SOX6: variants seen among roughly 807,000 people sequenced by gnomAD.
SOX6 encodes transcription factor SOX-6.
Under a neutral mutation model 97.8 loss-of-function variants are expected in SOX6, and 11 were observed. The observed-to-expected ratio is 0.11, with a 90% confidence interval of 0.07 to 0.19. The LOEUF (loss-of-function observed/expected upper bound fraction) is 0.19. Among genes scored for constraint, SOX6 ranks in the 10% least tolerant of loss-of-function variants. The probability of loss-of-function intolerance (pLI) is 1.00; values close to 1 mark genes in which losing one functional copy is unlikely to be tolerated. For synonymous variants in SOX6, 360 were observed against 371.4 expected, an observed-to-expected ratio of 0.97 and a Z score of 0.35; for missense variants, 810 against 1,039.5, an observed-to-expected ratio of 0.78 and a Z score of 3.04.
At chr11:16,102,190 T>G (rs550940169) in intron 7 of SOX6, among the ~76,000 whole-genome samples, 1 of 151,892 alleles carries the variant, frequency 6.6e-6, no homozygotes, top group Non-Finnish European at 1.5e-5. Context: ...AGTTTCAGGA[T>G]ACAAAATTAA....
intron 1 of SOX6, among the ~76,000 whole-genome samples, chr11:16,425,479 G>C (rs1242633548): frequency 6.6e-6 from 1 of 152,128 alleles, no homozygotes. Context: ...AATCAGGCAA[G>C]AAAAAGAAAT....
chr11:16,662,901 A>T lies in SOX6; in HGVS notation n.430-50641T>A, dbSNP rs924848746. 3.3e-5 allele frequency among the ~76,000 whole-genome samples: 5 copies of T among 152,144 alleles called. No homozygotes were observed. In the East Asian group the frequency reaches 7.7e-4, roughly 23 times the overall value. On this transcript the variant is annotated intron_variant and non_coding_transcript_variant, in intron 3 of 5. Coordinates refer to the SOX6 transcript ENST00000524520. ...GGAGATAGTGTCTCCTATGTTTCCCAGGCTGCTTGTGAATTCCTGTCCTCA... is the reference window on the plus strand; with the variant it reads ...GGAGATAGTGTCTCCTATGTTTCCCTGGCTGCTTGTGAATTCCTGTCCTCA...
At chr11:16,681,306 C>G (rs1564867659) in intron 3 of SOX6, among the ~76,000 whole-genome samples, 1 of 152,212 alleles carries the variant, frequency 6.6e-6, no homozygotes, top group Non-Finnish European at 1.5e-5. Context: ...TTAAGAAACT[C>G]ACTCAAAACT....
chr11:16,447,455 C>CTCTCT (rs1331179718), intron 1 of SOX6, among the ~76,000 whole-genome samples: 5 of 150,850 alleles, frequency 3.3e-5, no homozygotes, highest in African/African-American at 1.2e-4. Flanking sequence ...CTCTCTCTCT[C>CTCTCT]TTTCTTTCTT....
At chr11:16,421,140 G>A (rs1355515168) in intron 1 of SOX6, among the ~76,000 whole-genome samples, 2 of 152,142 alleles carry the variant, frequency 1.3e-5, no homozygotes, top group East Asian at 1.9e-4. Context: ...CCTTATTCTC[G>A]AGCAAATATG....
chr11:16,693,134 G>C (rs1054090203), intron 3 of SOX6, among the ~76,000 whole-genome samples: 1 of 152,052 alleles, frequency 6.6e-6, no homozygotes, highest in African/African-American at 2.4e-5. Context: ...GTTGAACTAG[G>C]TCAAATAGTA....
chr11:16,164,820 CAAAA>C (rs200369773), intron 6 of SOX6, among the ~76,000 whole-genome samples: 3 of 81,700 alleles, frequency 3.7e-5, no homozygotes, highest in Admixed American at 1.4e-4. Context: ...GACTTGGTAT[CAAAA>C]AAAAAAAAAA....
At chr11:16,557,865 G>C (rs1318828734) in intron 4 of SOX6, among the ~76,000 whole-genome samples, 1 of 151,674 alleles carries the variant, frequency 6.6e-6, no homozygotes, top group African/African-American at 2.4e-5. Flanking sequence ...TAAAACATTT[G>C]ATAAGCCCTT....
chr11:16,600,807 G>A lies in SOX6; in HGVS notation n.609+11274C>T, dbSNP rs140395423. 1.1e-4 allele frequency among the ~76,000 whole-genome samples: 17 copies of A among 152,312 alleles called. 1 individual carries two copies. The East Asian group carries it at 3.3e-3, about 29-fold the overall frequency. On this transcript the variant is annotated intron_variant and non_coding_transcript_variant, in intron 4 of 5. Transcript: ENST00000524520. ...ATGAATATATAATGAAAGGATGGGA[G>A]AGTTTCTGACACAACGCTCACCAAA...
At chr11:16,234,005 C>CAAAAAAA (rs751876773) in intron 4 of SOX6, among the ~76,000 whole-genome samples, 1 of 55,956 alleles carries the variant, frequency 1.8e-5, no homozygotes, top group Non-Finnish European at 3.9e-5. Context: ...GACTGCATCT[C>CAAAAAAA]AAAAAAAAAA....
At chr11:16,277,942 G>C (rs1325657130) in intron 3 of SOX6, among the ~76,000 whole-genome samples, 2 of 152,178 alleles carry the variant, frequency 1.3e-5, no homozygotes, top group Non-Finnish European at 2.9e-5. Flanking sequence ...ACATCATAGA[G>C]TTATTGTGAA....
intron 9 of SOX6, among the ~76,000 whole-genome samples, chr11:16,065,811 T>C (rs933981617): frequency 6.6e-6 from 1 of 152,156 alleles, no homozygotes; most frequent in African/African-American, 2.4e-5. Flanking sequence ...ATGAAACTAC[T>C]GCAAGCAAAC....
intron 9 of SOX6, among the ~76,000 whole-genome samples, chr11:16,094,005 A>T (rs1416134328): frequency 6.6e-6 from 1 of 151,946 alleles, no homozygotes; most frequent in East Asian, 1.9e-4. Flanking sequence ...AAACAGATCA[A>T]AGGTTTCCTG....
intron 12 of SOX6, among the ~76,000 whole-genome samples, chr11:16,041,930 G>A (rs1855680107): frequency 6.6e-6 from 1 of 152,104 alleles, no homozygotes; most frequent in African/African-American, 2.4e-5. Context: ...TTCACTAGTG[G>A]AGAGTATCAA....
chr11:16,186,034 T>C (rs1851464318), intron 5 of SOX6, among the ~76,000 whole-genome samples: 1 of 152,298 alleles, frequency 6.6e-6, no homozygotes, highest in East Asian at 1.9e-4. Flanking sequence ...TATAGGATCA[T>C]TGTTAGATTA....
chr11:16,054,711 A>C (rs1442937140), intron 10 of SOX6, among the ~76,000 whole-genome samples: 1 of 152,156 alleles, frequency 6.6e-6, no homozygotes, highest in East Asian at 1.9e-4. Flanking sequence ...ATAATTGCAA[A>C]ATTTCTCCAA....
chr11:16,721,614 CCTCCCTCT>C (rs1428929401), intron 2 of SOX6, among the ~76,000 whole-genome samples: 47 of 36,716 alleles, frequency 1.3e-3, no homozygotes, highest in South Asian at 3.1e-3. Flanking sequence ...TCCCTCCCTC[CCTCCCTCT>C]CTCTCTCTCT....
Position 16,281,249 on chromosome 11 carries a change from T to G in SOX6, c.445+37197A>C, listed in dbSNP as rs531770365. Among the ~76,000 whole-genome samples the G allele has an allele frequency of 2.6e-5, 4 of 152,200 alleles. No homozygotes were observed. In the South Asian group the frequency reaches 8.3e-4, roughly 31 times the overall value. On this transcript the variant is annotated intron_variant, in intron 3 of 15. Coordinates refer to ENST00000683767, the MANE Select transcript of SOX6 (RefSeq NM_001367873.1). ...GAAGTCATAGCTTTTCAAATTGCTT[T>G]TGGTCGTGTATGTGTCACATATATG...
At chr11:16,345,919 A>T (rs1276804678) in intron 1 of SOX6, among the ~76,000 whole-genome samples, 1 of 152,074 alleles carries the variant, frequency 6.6e-6, no homozygotes, top group Non-Finnish European at 1.5e-5. Context: ...AAAAAGAGCC[A>T]CTGAATTCAT....
Sources: allele counts gnomAD v4.1 joint callset (sites outside exome capture counted in the v4.1 genomes callset), GRCh38; gene constraint gnomAD v4.1.1; transcripts MANE v1.5; gene names NCBI Gene and HGNC (gene_info 2026-07-23, HGNC 2026-07-21).